DGKB: variants seen among roughly 807,000 people sequenced by gnomAD.
DGKB encodes the protein diacylglycerol kinase beta, also known as 90 kDa diacylglycerol kinase.
A neutral mutation model predicts 114.3 loss-of-function variants in DGKB; 67 were observed. The observed-to-expected ratio is 0.59, with a 90% confidence interval of 0.48 to 0.72. The LOEUF (loss-of-function observed/expected upper bound fraction) is 0.72, where lower values mean the gene tolerates loss of function less well. Among genes scored for constraint, DGKB ranks in the 30% least tolerant of loss-of-function variants. The pLI, the probability that DGKB is intolerant of heterozygous loss-of-function variation, is 0.00. For synonymous variants in DGKB, 398 were observed against 323.1 expected, an observed-to-expected ratio of 1.23 and a Z score of -2.49; for missense variants, 907 against 975.2, an observed-to-expected ratio of 0.93 and a Z score of 0.93.
chr7:14,521,868 AC>A (rs1404055880), intron 20 of DGKB, among the ~76,000 whole-genome samples: 1 of 152,084 alleles, frequency 6.6e-6, no homozygotes, highest in African/African-American at 2.4e-5. Flanking sequence ...ATGCAACATA[AC>A]AACTCTTGAT....
At chr7:14,213,216 A>C (rs936715138) in intron 23 of DGKB, among the ~76,000 whole-genome samples, 4 of 152,146 alleles carry the variant, frequency 2.6e-5, no homozygotes, top group Non-Finnish European at 4.4e-5. Context: ...ATTAATGCCC[A>C]AAATACCACA....
intron 13 of DGKB, among the ~76,000 whole-genome samples, chr7:14,634,492 A>ACG (rs1554560834): frequency 6.7e-6 from 1 of 148,700 alleles, no homozygotes; most frequent in Non-Finnish European, 1.5e-5. Context: ...ACACACACAC[A>ACG]CACACACACA....
At chr7:14,865,669 A>G (rs1218807262) in intron 1 of DGKB, among the ~76,000 whole-genome samples, 1 of 152,200 alleles carries the variant, frequency 6.6e-6, no homozygotes, top group East Asian at 1.9e-4. Context: ...TCAAGCCATC[A>G]TATACAGTGA....
chr7:14,192,321 TGAACTCGCTGAAAAA>T (rs2128275446), intron 23 of DGKB, among the ~76,000 whole-genome samples: 3 of 152,242 alleles, frequency 2.0e-5, no homozygotes, highest in Admixed American at 2.0e-4. Flanking sequence ...AGGATAATAG[TGAACTCGCTGAAAAA>T]GAATTTTTAA....
At chr7:14,930,488 C>A (rs970693437) in intron 1 of DGKB, among the ~76,000 whole-genome samples, 27 of 151,932 alleles carry the variant, frequency 1.8e-4, no homozygotes, top group Non-Finnish European at 3.4e-4. Flanking sequence ...ATGGGATTGC[C>A]TTTTTGAATT....
At chr7:14,749,436 A>C (rs1187719374) in intron 4 of DGKB, among the ~76,000 whole-genome samples, 2 of 152,294 alleles carry the variant, frequency 1.3e-5, no homozygotes. Flanking sequence ...TAAGACTAGA[A>C]TTATGAAGAC....
chr7:14,691,675 G>A (rs1275415764), intron 9 of DGKB, among the ~76,000 whole-genome samples: 2 of 151,966 alleles, frequency 1.3e-5, no homozygotes, highest in Admixed American at 1.3e-4. Flanking sequence ...TTAAAATGTA[G>A]GTGGCTTACT....
chr7:14,659,642 T>G (rs1476200944), intron 13 of DGKB, among the ~76,000 whole-genome samples: 1 of 147,806 alleles, frequency 6.8e-6, no homozygotes, highest in Non-Finnish European at 1.5e-5. Context: ...GCTGAGACAA[T>G]GGGGTTTTCT....
rs995380622 is a variant in DGKB at position 14,593,826 on chromosome 7, A to C, written c.1434-10689T>G. Among the ~76,000 whole-genome samples, 6 of 151,528 alleles carry C rather than the reference A, an allele frequency of 4.0e-5. No individual in the cohort carries two copies. The East Asian group carries it at 1.2e-3, about 29-fold the overall frequency. On this transcript the variant is annotated intron_variant, in intron 17 of 25. Coordinates refer to ENST00000402815, the MANE Select transcript of DGKB (RefSeq NM_001350709.2). Reference sequence around the variant, plus strand: ...AACTTTAAAATGGTCCAGTTAAAAAAAGAAAAAAACAACACAGGAGATTTG... The same window carrying C: ...AACTTTAAAATGGTCCAGTTAAAAACAGAAAAAAACAACACAGGAGATTTG...
chr7:14,785,367 G>A (rs558473946), intron 2 of DGKB, among the ~76,000 whole-genome samples: 1 of 151,888 alleles, frequency 6.6e-6, no homozygotes, highest in Non-Finnish European at 1.5e-5. Flanking sequence ...TTCTTGCCTT[G>A]TCATTTGATT....
intron 17 of DGKB, among the ~76,000 whole-genome samples, chr7:14,590,100 T>C (rs1157091672): frequency 1.3e-5 from 2 of 151,586 alleles, no homozygotes; most frequent in Non-Finnish European, 2.9e-5. Context: ...GCATGGCACA[T>C]GTATACATAT....
intron 13 of DGKB, among the ~76,000 whole-genome samples, chr7:14,647,588 A>G (rs1377541582): frequency 6.6e-6 from 1 of 151,740 alleles, no homozygotes; most frequent in African/African-American, 2.4e-5. Context: ...TCTACCAAAT[A>G]ATAGCAAAGC....
intron 20 of DGKB, among the ~76,000 whole-genome samples, chr7:14,535,980 ACAAC>A (rs563794030): frequency 1.6e-4 from 24 of 152,206 alleles, no homozygotes; most frequent in Non-Finnish European, 3.2e-4. Flanking sequence ...AGGAGTGAAT[ACAAC>A]CAACGCCACA....
At chr7:14,187,164 T>C (rs958752545) in intron 23 of DGKB, among the ~76,000 whole-genome samples, 4 of 152,290 alleles carry the variant, frequency 2.6e-5, no homozygotes, top group South Asian at 2.1e-4. Context: ...TAAAATGAAG[T>C]ACAAAGCTCC....
intron 23 of DGKB, among the ~76,000 whole-genome samples, chr7:14,221,505 AT>A (rs1374345431): frequency 6.6e-6 from 1 of 151,420 alleles, no homozygotes. Flanking sequence ...ACCAACTCTC[AT>A]TCCTGGGATA....
At chr7:14,232,108 T>G (rs756696315) in intron 23 of DGKB, among the ~76,000 whole-genome samples, 7 of 151,922 alleles carry the variant, frequency 4.6e-5, no homozygotes, top group Admixed American at 1.3e-4. Context: ...TGCCTCCCTC[T>G]TTTCCTCTCC....
Position 14,643,145 on chromosome 7 carries a change from A to T in DGKB, c.1135-12877T>A, listed in dbSNP as rs75396406. On this transcript the variant is annotated intron_variant, in intron 13 of 25. Transcript: ENST00000402815. The stretch of plus-strand genomic sequence containing the variant: ...CTAAGACATGGAAACTCCTGATGGC[A>T]CAATAAAAATAAAAGCAAAGCAGCT... Among the ~76,000 whole-genome samples the T allele has an allele frequency of 9.3e-3, 1,413 of 152,310 alleles. 3 individuals carry two copies. Among genetic ancestry groups the T allele is most frequent in the Non-Finnish European group, 0.016 (1,066 of 68,018 alleles).
intron 14 of DGKB, among the ~76,000 whole-genome samples, chr7:14,624,644 C>G (rs944639716): frequency 7.2e-5 from 11 of 152,112 alleles, no homozygotes; most frequent in African/African-American, 2.4e-4. Context: ...TCCAAGTAGT[C>G]ACCCCCCTAA....
intron 21 of DGKB, among the ~76,000 whole-genome samples, chr7:14,355,720 A>T: frequency 6.6e-6 from 1 of 152,032 alleles, no homozygotes; most frequent in East Asian, 1.9e-4. Flanking sequence ...TTCATCAGGG[A>T]TATTGGTCTA....
Sources: gnomAD v4.1 joint callset for allele counts (sites outside exome capture counted in the v4.1 genomes callset) on GRCh38, gnomAD v4.1.1 for gene constraint, MANE v1.5 for transcripts, NCBI Gene and HGNC (gene_info 2026-07-23, HGNC 2026-07-21) for gene names.